Variants in PTK2B observed in about 807,000 individuals in gnomAD.
PTK2B encodes protein tyrosine kinase 2 beta, also known as protein-tyrosine kinase 2-beta.
Under a neutral mutation model 142.9 loss-of-function variants are expected in PTK2B, and 71 were observed. That is an observed-to-expected ratio of 0.50 (90% CI 0.41 to 0.61). PTK2B has a LOEUF of 0.61. Among genes scored for constraint, PTK2B ranks in the 20% least tolerant of loss-of-function variants. PTK2B has a pLI of 0.00. For synonymous variants in PTK2B, 519 were observed against 503.4 expected (o/e 1.03, Z -0.42); for missense variants, 1,105 against 1,320.4 (o/e 0.84, Z 2.53).
intron 1 of PTK2B, among the ~76,000 whole-genome samples, chr8:27,365,237 T>C (rs1805950642): frequency 6.6e-6 from 1 of 152,248 alleles, no homozygotes; most frequent in African/African-American, 2.4e-5. Flanking sequence ...TGGCGATATC[T>C]GTCTCCCCAA....
intron 1 of PTK2B, among the ~76,000 whole-genome samples, chr8:27,392,013 G>C (rs1307148290): frequency 6.6e-6 from 1 of 152,204 alleles, no homozygotes; most frequent in Admixed American, 6.5e-5. Context: ...AGAATGCCAG[G>C]GCTTGGAGAG....
At chr8:27,456,206 T>C (rs1812130845) in intron 30 of PTK2B, among the ~76,000 whole-genome samples, 1 of 152,242 alleles carries the variant, frequency 6.6e-6, no homozygotes, top group Non-Finnish European at 1.5e-5. Flanking sequence ...TTGCTTTAAT[T>C]GCACTTCCCA....
At chr8:27,436,485 TG>T (rs1669071485) in intron 15 of PTK2B, 137 bp downstream of exon 15, 1 of 694,486 alleles carries the variant, frequency 1.4e-6, no homozygotes, top group Admixed American at 2.4e-5. Context: ...TCTTGTCCAC[TG>T]GGCATGGTGG....
intron 30 of PTK2B, among the ~76,000 whole-genome samples, chr8:27,454,930 T>C (rs1017621654): frequency 2.0e-5 from 3 of 149,244 alleles, no homozygotes; most frequent in Admixed American, 6.8e-5. Context: ...TTGCCGTCTG[T>C]GTTAAGATTA....
intron 5 of PTK2B, among the ~76,000 whole-genome samples, chr8:27,422,660 A>G (rs773698526): frequency 1.3e-5 from 2 of 152,082 alleles, no homozygotes; most frequent in Admixed American, 6.5e-5. Context: ...CCATCTGTCA[A>G]CCACCTTTGC....
At chr8:27,392,140 A>G (rs2131327331) in intron 1 of PTK2B, among the ~76,000 whole-genome samples, 1 of 152,266 alleles carries the variant, frequency 6.6e-6, no homozygotes, top group African/African-American at 2.4e-5. Flanking sequence ...ATAATCAGAC[A>G]ATATTTAGAG....
At chr8:27,429,094 A>T (rs13257998) in intron 5 of PTK2B, among the ~76,000 whole-genome samples, 1 of 151,864 alleles carries the variant, frequency 6.6e-6, no homozygotes, top group Admixed American at 6.6e-5. Flanking sequence ...TTTAGTAGAG[A>T]CAAGGTTTCA....
chr8:27,375,253 G>A (rs1206598006), intron 1 of PTK2B, among the ~76,000 whole-genome samples: 1 of 152,204 alleles, frequency 6.6e-6, no homozygotes, highest in East Asian at 1.9e-4. Context: ...AGACCAGTGA[G>A]GCCCTCCTGA....
chr8:27,447,479 T>C (rs1400683825), intron 24 of PTK2B, among the ~76,000 whole-genome samples: 2 of 152,236 alleles, frequency 1.3e-5, no homozygotes, highest in Admixed American at 1.3e-4. Context: ...ATAGCCTGAC[T>C]CATCAGGGAG....
Position 27,458,730 on chromosome 8 carries a change from G to A in PTK2B, c.*221G>A, listed in dbSNP as rs1812312949. 1.7e-6 allele frequency: 1 copy of A among 587,926 alleles called. No individual in the cohort carries two copies. Among genetic ancestry groups the A allele is most frequent in the South Asian group, 2.0e-5 (1 of 50,416 alleles). The allele number at this position is 587,926 out of a possible 1,614,324, so 36.4% of individuals were successfully genotyped here. A position where few individuals can be genotyped will look rare whatever the true frequency, so the allele number is the denominator to read the frequency against. On this transcript the variant is annotated 3_prime_UTR_variant, in exon 31 of 31. Coordinates refer to ENST00000346049, the MANE Select transcript of PTK2B (RefSeq NM_173176.3). Reference sequence around the variant, plus strand: ...TGGGCTATGGACACAGGGTGACGGTGACAAAGATGGCTCAGAGGGGGACTG... The same window carrying A: ...TGGGCTATGGACACAGGGTGACGGTAACAAAGATGGCTCAGAGGGGGACTG...
At chr8:27,339,757 G>A (rs1422378381) in intron 1 of PTK2B, among the ~76,000 whole-genome samples, 1 of 152,220 alleles carries the variant, frequency 6.6e-6, no homozygotes, top group Non-Finnish European at 1.5e-5. Context: ...ACACAGCAAT[G>A]TGGACATACA....
At chr8:27,452,974 C>A in intron 27 of PTK2B, 140 bp from the exon 28 acceptor site, 2 of 982,794 alleles carry the variant, frequency 2.0e-6, no homozygotes, top group Non-Finnish European at 3.1e-6. Flanking sequence ...CCTTCCCCTG[C>A]CCGCTTCCTG....
upstream of PTK2B, among the ~76,000 whole-genome samples, chr8:27,324,799 A>C (rs1216342966): frequency 6.6e-6 from 1 of 152,198 alleles, no homozygotes; most frequent in Admixed American, 6.5e-5. Context: ...AGTCCAGGTC[A>C]CTTCCTCCTC....
intron 21 of PTK2B, among the ~76,000 whole-genome samples, chr8:27,442,632 G>A (rs369609069): frequency 3.3e-5 from 5 of 152,206 alleles, no homozygotes; most frequent in African/African-American, 1.2e-4. Flanking sequence ...GCTCACCAAG[G>A]ACGCTTTTCC....
intron 4 of PTK2B, among the ~76,000 whole-genome samples, chr8:27,421,513 C>A (rs775538966): frequency 1.3e-5 from 2 of 152,202 alleles, no homozygotes; most frequent in Non-Finnish European, 2.9e-5. Context: ...GCCTTTGCAT[C>A]ATCATGGTTA....
chr8:27,398,151 A>G (rs1175470103), intron 2 of PTK2B, among the ~76,000 whole-genome samples: 1 of 152,254 alleles, frequency 6.6e-6, no homozygotes, highest in African/African-American at 2.4e-5. Context: ...TAGGAATTAG[A>G]GATACACAAG....
At chr8:27,311,020 GT>G (rs751130274), upstream of PTK2B, 43 of 1,609,710 alleles carry the variant, frequency 2.7e-5, no homozygotes, top group Non-Finnish European at 9.3e-6. Flanking sequence ...TGAGGGTGTG[GT>G]TGGTGCGCAG....
intron 1 of PTK2B, among the ~76,000 whole-genome samples, chr8:27,328,301 G>A (rs1380320326): frequency 2.0e-5 from 3 of 152,202 alleles, no homozygotes; most frequent in African/African-American, 7.2e-5. Context: ...GTTTTAGGAT[G>A]AGTTCCTTAT....
intron 1 of PTK2B, among the ~76,000 whole-genome samples, chr8:27,371,553 A>G (rs1806360500): frequency 6.7e-6 from 1 of 150,044 alleles, no homozygotes; most frequent in Admixed American, 6.6e-5. Context: ...ATTTATATAT[A>G]TATATATATT....
Sources: allele counts gnomAD v4.1 joint callset (sites outside exome capture counted in the v4.1 genomes callset), GRCh38; gene constraint gnomAD v4.1.1; transcripts MANE v1.5; gene names NCBI Gene and HGNC (gene_info 2026-07-23, HGNC 2026-07-21).